CNTNAP2: variants seen among roughly 807,000 people sequenced by gnomAD.
CNTNAP2 encodes the protein contactin-associated protein-like 2.
A neutral mutation model predicts 155.2 loss-of-function variants in CNTNAP2; 98 were observed. That is an observed-to-expected ratio of 0.63 (90% CI 0.54 to 0.75). The LOEUF (loss-of-function observed/expected upper bound fraction) is 0.75, where lower values mean the gene tolerates loss of function less well. Ranked by LOEUF, CNTNAP2 falls within the 30% of genes least tolerant of loss-of-function variation. The pLI, the probability that CNTNAP2 is intolerant of heterozygous loss-of-function variation, is 0.00. For synonymous variants in CNTNAP2, 651 were observed against 631.2 expected (o/e 1.03, Z -0.47); for missense variants, 1,727 against 1,688.1 (o/e 1.02, Z -0.40).
chr7:147,748,832 A>G (rs997942126), intron 13 of CNTNAP2, among the ~76,000 whole-genome samples: 1 of 152,150 alleles, frequency 6.6e-6, no homozygotes, highest in East Asian at 1.9e-4. Flanking sequence ...GAGAAGTTCT[A>G]CTAGAATTAG....
intron 16 of CNTNAP2, among the ~76,000 whole-genome samples, chr7:148,139,120 G>A (rs1050567773): frequency 2.0e-5 from 3 of 152,150 alleles, no homozygotes; most frequent in African/African-American, 7.2e-5. Context: ...TACTCAAGAG[G>A]TTATCGAGAT....
intron 17 of CNTNAP2, among the ~76,000 whole-genome samples, chr7:148,161,924 G>T (rs1030985136): frequency 1.3e-5 from 2 of 151,962 alleles, no homozygotes; most frequent in East Asian, 3.9e-4. Flanking sequence ...CCACCCCTTT[G>T]CTTGGATGGC....
At chr7:146,560,069 T>C (rs1345636473) in intron 1 of CNTNAP2, among the ~76,000 whole-genome samples, 3 of 152,196 alleles carry the variant, frequency 2.0e-5, no homozygotes, top group Admixed American at 1.3e-4. Context: ...TCTAATAAAA[T>C]AGTAGCAGAC....
chr7:146,739,637 T>C (rs1585067685), intron 1 of CNTNAP2, among the ~76,000 whole-genome samples: 1 of 152,046 alleles, frequency 6.6e-6, no homozygotes, highest in African/African-American at 2.4e-5. Flanking sequence ...TTGGATGGAA[T>C]GTTATTTATA....
At chr7:146,289,307 C>T (rs989694437) in intron 1 of CNTNAP2, among the ~76,000 whole-genome samples, 9 of 152,144 alleles carry the variant, frequency 5.9e-5, no homozygotes, top group Non-Finnish European at 1.3e-4. Flanking sequence ...GTACAAAATA[C>T]AAGTTTTCTT....
chr7:146,952,600 G>T (rs1027858281), intron 3 of CNTNAP2, among the ~76,000 whole-genome samples: 1 of 152,070 alleles, frequency 6.6e-6, no homozygotes. Context: ...TAAAATCAAT[G>T]TGCAAAAATC....
chr7:146,985,789 A>G (rs949055143), intron 3 of CNTNAP2, among the ~76,000 whole-genome samples: 13 of 152,150 alleles, frequency 8.5e-5, no homozygotes, highest in Non-Finnish European at 1.8e-4. Flanking sequence ...TAAATATTTA[A>G]TATTTCTTCT....
At chr7:147,798,319 G>A (rs1356651263) in intron 13 of CNTNAP2, among the ~76,000 whole-genome samples, 1 of 151,968 alleles carries the variant, frequency 6.6e-6, no homozygotes, top group Non-Finnish European at 1.5e-5. Context: ...TACAGTACCA[G>A]CTTTATTAGT....
intron 1 of CNTNAP2, among the ~76,000 whole-genome samples, chr7:146,534,070 T>C (rs2129139683): frequency 6.6e-6 from 1 of 152,166 alleles, no homozygotes; most frequent in African/African-American, 2.4e-5. Context: ...AGTTAATTTA[T>C]AATGGAAGTT....
chr7:148,194,417 T>A (rs1795243662), intron 18 of CNTNAP2, among the ~76,000 whole-genome samples: 1 of 152,202 alleles, frequency 6.6e-6, no homozygotes, highest in South Asian at 2.1e-4. Context: ...TGTCTTAGTT[T>A]TCTTTCCCCA....
chr7:146,753,029 CT>C (rs1204484404), intron 1 of CNTNAP2, among the ~76,000 whole-genome samples: 1 of 152,104 alleles, frequency 6.6e-6, no homozygotes, highest in East Asian at 1.9e-4. Flanking sequence ...TAGAGCCTGA[CT>C]TTTATGGATT....
intron 1 of CNTNAP2, among the ~76,000 whole-genome samples, chr7:146,328,917 T>C (rs183169722): frequency 6.6e-6 from 1 of 152,230 alleles, no homozygotes; most frequent in East Asian, 1.9e-4. Context: ...CCACATTTTC[T>C]TTACCAATTT....
chr7:148,379,872 T>G (rs941862240), intron 21 of CNTNAP2, among the ~76,000 whole-genome samples: 1 of 152,196 alleles, frequency 6.6e-6, no homozygotes, highest in Non-Finnish European at 1.5e-5. Context: ...CTTTTCTCTT[T>G]CATTTCTCAC....
chr7:147,250,926 T>A (rs1478410277), intron 8 of CNTNAP2, among the ~76,000 whole-genome samples: 1 of 152,118 alleles, frequency 6.6e-6, no homozygotes, highest in Non-Finnish European at 1.5e-5. Flanking sequence ...CTCTTGAGCT[T>A]CTCTTACCAA....
At chr7:147,301,969 C>G (rs1429050280) in intron 9 of CNTNAP2, among the ~76,000 whole-genome samples, 1 of 152,082 alleles carries the variant, frequency 6.6e-6, no homozygotes, top group Non-Finnish European at 1.5e-5. Flanking sequence ...AACTAGGGCT[C>G]TGCTTCTTTA....
intron 4 of CNTNAP2, among the ~76,000 whole-genome samples, chr7:147,050,283 TCAAA>T (rs930700722): frequency 8.5e-5 from 13 of 152,208 alleles, no homozygotes; most frequent in African/African-American, 3.1e-4. Flanking sequence ...GCTGCATTAC[TCAAA>T]CATTCATTTT....
chr7:146,657,197 T>G (rs1044340178), intron 1 of CNTNAP2, among the ~76,000 whole-genome samples: 2 of 152,298 alleles, frequency 1.3e-5, no homozygotes, highest in African/African-American at 4.8e-5. Context: ...AACTGTTCCT[T>G]AACTAATCCA....
intron 21 of CNTNAP2, among the ~76,000 whole-genome samples, chr7:148,322,378 T>C (rs1386995165): frequency 1.3e-5 from 2 of 152,196 alleles, no homozygotes; most frequent in Non-Finnish European, 2.9e-5. Context: ...ACAAGTGTAA[T>C]AAGAAATATT....
At chr7:146,314,719 A>G (rs983594647) in intron 1 of CNTNAP2, among the ~76,000 whole-genome samples, 13 of 152,142 alleles carry the variant, frequency 8.5e-5, no homozygotes, top group African/African-American at 3.1e-4. Flanking sequence ...AACTGCCTCC[A>G]GGGAGGGTCT....
Sources: gnomAD v4.1 joint callset for allele counts (sites outside exome capture counted in the v4.1 genomes callset) on GRCh38, gnomAD v4.1.1 for gene constraint, MANE v1.5 for transcripts, NCBI Gene and HGNC (gene_info 2026-07-23, HGNC 2026-07-21) for gene names.